OXR1: variants seen among roughly 807,000 people sequenced by gnomAD.
OXR1 encodes oxidation resistance 1.
A neutral mutation model predicts 104.6 loss-of-function variants in OXR1; 41 were observed. That is an observed-to-expected ratio of 0.39 (90% confidence interval 0.31 to 0.51). OXR1 has a LOEUF of 0.51. Among genes scored for constraint, OXR1 ranks in the 20% least tolerant of loss-of-function variants. The pLI is 0.77. For missense variants in OXR1, 955 were observed against 1,031.9 expected (o/e 0.93, Z 1.02); for synonymous variants, 348 against 348.4 (o/e 1.00, Z 0.01).
At chr8:106,403,381 C>T (rs991671691) in intron 2 of OXR1, among the ~76,000 whole-genome samples, 1 of 152,228 alleles carries the variant, frequency 6.6e-6, no homozygotes, top group Non-Finnish European at 1.5e-5. Context: ...TTGGCCTCTG[C>T]CACACTGCAG....
chr8:106,349,166 A>T (rs973996248), intron 1 of OXR1, among the ~76,000 whole-genome samples: 2 of 152,152 alleles, frequency 1.3e-5, no homozygotes, highest in African/African-American at 4.8e-5. Context: ...ATTTAAAAAA[A>T]TTAGGGTGAT....
rs368147975 is a variant in OXR1 at position 106,750,472 on chromosome 8, T to C, written c.2487-334T>C. Among the ~76,000 whole-genome samples the C allele has an allele frequency of 1.1e-4, 16 of 151,996 alleles. No individual in the cohort carries two copies. The East Asian group carries it at 2.7e-3, about 26-fold the overall frequency. ...TCCCGAGTAGCTGGGATTACAGGCATGTGCCACCGCGCCTGGCTAATTTTT... is the reference window on the plus strand; with the variant it reads ...TCCCGAGTAGCTGGGATTACAGGCACGTGCCACCGCGCCTGGCTAATTTTT... On this transcript the variant is annotated intron_variant, in intron 16 of 16. Transcript: ENST00000517566.
rs765306147 is a variant in OXR1 at position 106,710,814 on chromosome 8, G to A, written c.1793+24G>A. ...AGGTAAAAAACCCATACGACACCTT[G>A]AGAGCATTATTGAGATTCTTTGAAC... On this transcript the variant is annotated intron_variant, in intron 10 of 16. Coordinates refer to ENST00000517566, the MANE Select transcript of OXR1 (RefSeq NM_001198533.2). The A allele has an allele frequency of 5.0e-6, 7 of 1,393,368 alleles. No homozygotes were observed. In the South Asian group the frequency reaches 1.0e-4, roughly 20 times the overall value. 86.3% of individuals were successfully genotyped at this position (1,393,368 alleles called of 1,614,324 possible).
rs960319937 is a variant in OXR1, at chr8:106,314,151, A to G, written c.-139+43784A>G. Among the ~76,000 whole-genome samples, 10 of 152,316 alleles carry G rather than the reference A, an allele frequency of 6.6e-5. No individual in the cohort carries two copies. The East Asian group carries it at 1.9e-3, about 29-fold the overall frequency. ...CCTGCATGCCCAAAAGGGAGCTTTT[A>G]TATTAATCCAAGATTGCAGGGACCC... On this transcript the variant is annotated intron_variant, in intron 1 of 16. Coordinates refer to ENST00000517566, the MANE Select transcript of OXR1 (RefSeq NM_001198533.2).
intron 3 of OXR1, among the ~76,000 whole-genome samples, chr8:106,553,906 T>G (rs116808582): frequency 0.026 from 4,029 of 152,302 alleles, 186 homozygotes; most frequent in African/African-American, 0.092. Context: ...TTATCATTGT[T>G]TCCAAAAACC....
intron 3 of OXR1, among the ~76,000 whole-genome samples, chr8:106,568,793 A>G (rs1046566107): frequency 6.6e-6 from 1 of 152,156 alleles, no homozygotes; most frequent in Non-Finnish European, 1.5e-5. Flanking sequence ...TGTTCATTAT[A>G]CAAAATACTA....
chr8:106,564,588 A>G (rs1198547395), intron 3 of OXR1, among the ~76,000 whole-genome samples: 1 of 152,194 alleles, frequency 6.6e-6, no homozygotes, highest in Non-Finnish European at 1.5e-5. Context: ...TTCTGAAACT[A>G]TTCCAAACAA....
Position 106,340,721 on chromosome 8 carries a change from G to C in OXR1, c.-138-18755G>C, listed in dbSNP as rs564925960. ...CTATATTCATGGCACTTAGAACAGTGCCTCTCATATATAGACATTCAAATA... is the reference window on the plus strand; with the variant it reads ...CTATATTCATGGCACTTAGAACAGTCCCTCTCATATATAGACATTCAAATA... On this transcript the variant is annotated intron_variant, in intron 1 of 16. Transcript: ENST00000517566. Among the ~76,000 whole-genome samples the C allele has an allele frequency of 4.6e-5, 7 of 152,172 alleles. No homozygotes were observed. In the South Asian group the frequency reaches 6.2e-4, roughly 14 times the overall value.
rs1006274363 is a variant in OXR1 at position 106,270,245 on chromosome 8, A to C, written c.-261A>C. ...AGCTGGGCTGCGTCAGGCTGAGCCC[A>C]TTCACCTCGCGGCCACAGGAGCTCA... On this transcript the variant is annotated 5_prime_UTR_variant, in exon 1 of 17. Coordinates refer to ENST00000517566, the MANE Select transcript of OXR1 (RefSeq NM_001198533.2). 6.6e-6 allele frequency: 1 copy of C among 151,910 alleles called. No homozygotes were observed. Among genetic ancestry groups the C allele is most frequent in the African/African-American group, 2.4e-5 (1 of 41,390 alleles). 9.4% of individuals were successfully genotyped at this position (151,910 alleles called of 1,614,324 possible). A position where few individuals can be genotyped will look rare whatever the true frequency, so the allele number is the denominator to read the frequency against.
intron 3 of OXR1, among the ~76,000 whole-genome samples, chr8:106,661,452 C>T (rs778648971): frequency 6.6e-6 from 1 of 152,268 alleles, no homozygotes; most frequent in South Asian, 2.1e-4. Flanking sequence ...AAATACAATG[C>T]TTGTTCCTGA....
rs1315176734 is a variant in OXR1 at position 106,389,456 on chromosome 8, AT to A, written c.23+29821del. 2.1e-4 allele frequency among the ~76,000 whole-genome samples: 32 copies of A among 152,322 alleles called. 1 individual carries two copies. The South Asian group carries it at 4.8e-3, about 23-fold the overall frequency. ...TAAACATGAATACTATATCCCTACCATGCCTATGAGGCCTGTGTCTATAGAG... is the reference window on the plus strand; with the variant it reads ...TAAACATGAATACTATATCCCTACCAGCCTATGAGGCCTGTGTCTATAGAG... On this transcript the variant is annotated intron_variant, in intron 2 of 16. Coordinates refer to ENST00000517566, the MANE Select transcript of OXR1 (RefSeq NM_001198533.2).
chr8:106,316,877 T>G (rs1586513967), intron 1 of OXR1, among the ~76,000 whole-genome samples: 2 of 152,122 alleles, frequency 1.3e-5, no homozygotes, highest in South Asian at 4.2e-4. Flanking sequence ...TTTATTTAAT[T>G]TATTTATTTA....
chr8:106,636,848 T>A (rs114798453), intron 3 of OXR1, among the ~76,000 whole-genome samples: 13 of 152,204 alleles, frequency 8.5e-5, no homozygotes, highest in African/African-American at 3.1e-4. Flanking sequence ...ATGCCCATGG[T>A]GACAGGCTCC....
intron 2 of OXR1, among the ~76,000 whole-genome samples, chr8:106,455,612 A>G (rs1345722679): frequency 6.6e-6 from 1 of 152,226 alleles, no homozygotes; most frequent in Non-Finnish European, 1.5e-5. Context: ...AGAGTTGCCA[A>G]CAAAGGAACA....
chr8:106,594,233 T>C lies in OXR1; in HGVS notation c.220+75094T>C, dbSNP rs919554737. 4.6e-5 allele frequency among the ~76,000 whole-genome samples: 7 copies of C among 152,198 alleles called. No individual in the cohort carries two copies. In the South Asian group the frequency reaches 6.2e-4, roughly 14 times the overall value. On this transcript the variant is annotated intron_variant, in intron 3 of 16. Coordinates refer to ENST00000517566, the MANE Select transcript of OXR1 (RefSeq NM_001198533.2). ...GCAGTGTAAAGGACATGTGTCTCTA[T>C]TTTGGGAGCTGATTTCTTCTTAGTC...
intron 2 of OXR1, among the ~76,000 whole-genome samples, chr8:106,424,846 T>C (rs1303895627): frequency 6.6e-6 from 1 of 152,108 alleles, no homozygotes; most frequent in Non-Finnish European, 1.5e-5. Context: ...TTTATTTTCT[T>C]ATTAGTGAGG....
chr8:106,748,554 CTTTTTTTTTTTT>C (rs71307088), intron 16 of OXR1, among the ~76,000 whole-genome samples: 10 of 48,920 alleles, frequency 2.0e-4, no homozygotes, highest in East Asian at 1.1e-3. Flanking sequence ...AGTACCAACT[CTTTTTTTTTTTT>C]TTTTTTTTTT....
intron 3 of OXR1, chr8:106,657,979 G>A: frequency 8.0e-7 from 1 of 1,248,462 alleles, no homozygotes; most frequent in Non-Finnish European, 1.0e-6. Context: ...GTCCAGCCCC[G>A]CGGCAGCATG....
intron 3 of OXR1, among the ~76,000 whole-genome samples, chr8:106,571,272 G>T (rs1817449662): frequency 6.6e-6 from 1 of 151,956 alleles, no homozygotes; most frequent in African/African-American, 2.4e-5. Context: ...CAGAGATCAG[G>T]GTGCCAGTGT....
Sources: gnomAD v4.1 joint callset for allele counts (sites outside exome capture counted in the v4.1 genomes callset) on GRCh38, gnomAD v4.1.1 for gene constraint, MANE v1.5 for transcripts, NCBI Gene and HGNC (gene_info 2026-07-23, HGNC 2026-07-21) for gene names.